SH3KBP1: variants seen among roughly 807,000 people sequenced by gnomAD.
SH3KBP1 encodes SH3 domain-containing kinase-binding protein 1.
Under a neutral mutation model 50.1 loss-of-function variants are expected in SH3KBP1, and 8 were observed. The observed-to-expected ratio is 0.16, with a 90% CI of 0.09 to 0.29. The LOEUF is 0.29. Among genes scored for constraint, SH3KBP1 ranks in the 10% least tolerant of loss-of-function variants. The probability of loss-of-function intolerance (pLI) is 1.00; values close to 1 mark genes in which losing one functional copy is unlikely to be tolerated. For synonymous variants in SH3KBP1, 227 were observed against 218.6 expected (o/e 1.04, Z -0.34); for missense variants, 377 against 535.2 (o/e 0.70, Z 2.92).
chrX:19,791,801 A>T (rs776257082), intron 2 of SH3KBP1, among the ~76,000 whole-genome samples: 4 of 111,668 alleles, frequency 3.6e-5, no homozygotes, highest in Non-Finnish European at 5.6e-5. Flanking sequence ...TGAACAAGGC[A>T]CGAAACCCAA....
At chrX:19,552,498 G>T (rs961324351) in intron 13 of SH3KBP1, among the ~76,000 whole-genome samples, 2 of 110,290 alleles carry the variant, frequency 1.8e-5, no homozygotes, top group Non-Finnish European at 3.8e-5. Flanking sequence ...GGAAGAGGGG[G>T]CTGTTAAAGT....
At chrX:19,540,945 C>T (rs983116743) in intron 16 of SH3KBP1, among the ~76,000 whole-genome samples, 7 of 109,893 alleles carry the variant, frequency 6.4e-5, no homozygotes, top group East Asian at 2.8e-4. Flanking sequence ...GACGGAGTCT[C>T]GCTCTGTCAC....
At chrX:19,878,505 T>TGTGTGTGAGAGAGA (rs1491094714) in intron 1 of SH3KBP1, among the ~76,000 whole-genome samples, 28 of 48,253 alleles carry the variant, frequency 5.8e-4, no homozygotes, top group African/African-American at 1.5e-3. Flanking sequence ...TGTGTGTGTG[T>TGTGTGTGAGAGAGA]GAGAGAGAGA....
At chrX:19,847,158 G>A in intron 1 of SH3KBP1, among the ~76,000 whole-genome samples, 1 of 111,493 alleles carries the variant, frequency 9.0e-6, no homozygotes, top group Non-Finnish European at 1.9e-5. Context: ...AGCAGACAGT[G>A]AGGTAACGTG....
intron 13 of SH3KBP1, among the ~76,000 whole-genome samples, chrX:19,550,784 T>C (rs1385248818): frequency 9.0e-6 from 1 of 110,509 alleles, no homozygotes; most frequent in African/African-American, 3.3e-5. Context: ...AGTCACAGGA[T>C]GGCAAGGCAG....
intron 2 of SH3KBP1, among the ~76,000 whole-genome samples, chrX:19,762,954 G>A (rs753771967): frequency 2.7e-5 from 3 of 112,091 alleles, no homozygotes; most frequent in African/African-American, 6.5e-5. Flanking sequence ...TACCTCATAC[G>A]CTCCTGCCTG....
intron 1 of SH3KBP1, among the ~76,000 whole-genome samples, chrX:19,864,493 A>G (rs778168848): frequency 8.9e-6 from 1 of 112,049 alleles, no homozygotes; most frequent in Non-Finnish European, 1.9e-5. Context: ...GGGGCACAGG[A>G]GAGAAGATCA....
intron 4 of SH3KBP1, among the ~76,000 whole-genome samples, chrX:19,699,374 G>C (rs762099904): frequency 5.5e-4 from 62 of 112,590 alleles, no homozygotes; most frequent in African/African-American, 1.9e-3. Context: ...TAATAAAAGG[G>C]GGCAGATGCC....
intron 13 of SH3KBP1, among the ~76,000 whole-genome samples, chrX:19,561,698 A>C (rs2065683538): frequency 9.0e-6 from 1 of 111,685 alleles, no homozygotes; most frequent in Admixed American, 9.6e-5. Flanking sequence ...CATTAAGCTA[A>C]ATTTGTTCAA....
chrX:19,541,612 T>C (rs1289643269), intron 16 of SH3KBP1, among the ~76,000 whole-genome samples: 1 of 112,539 alleles, frequency 8.9e-6, no homozygotes, highest in Non-Finnish European at 1.9e-5. Context: ...CTGTATTTTA[T>C]GGGGGATTTA....
intron 13 of SH3KBP1, among the ~76,000 whole-genome samples, chrX:19,560,463 A>G (rs1037629131): frequency 9.0e-6 from 1 of 111,548 alleles, no homozygotes; most frequent in Admixed American, 9.5e-5. Flanking sequence ...CTTTCTTTTT[A>G]ATATTTTTTG....
chrX:19,874,848 G>A (rs771789510), intron 1 of SH3KBP1, among the ~76,000 whole-genome samples: 6 of 106,384 alleles, frequency 5.6e-5, no homozygotes, highest in South Asian at 8.8e-4. Flanking sequence ...GACAAAGAGC[G>A]TAGGGGAGAT....
chrX:19,605,895 A>C (rs2067229978), intron 9 of SH3KBP1, among the ~76,000 whole-genome samples: 1 of 112,241 alleles, frequency 8.9e-6, no homozygotes, highest in Admixed American at 9.5e-5. Context: ...ACATTTTCTA[A>C]GTTGCTAGAT....
Position 19,882,316 on chromosome X carries a change from A to T in SH3KBP1, c.4+4991T>A, listed in dbSNP as rs147508740. On this transcript the variant is annotated intron_variant, in intron 1 of 17. Transcript: ENST00000397821. ...TGTGTGAATATTAGGTTACAAGGCA[A>T]AGGGGAGTTAAACTTACTGATCAGC... is the stretch of plus-strand genomic sequence containing the variant. 9.4e-3 allele frequency among the ~76,000 whole-genome samples: 1,041 copies of T among 110,995 alleles called. 17 individuals are homozygous for T. The highest frequency in any genetic ancestry group is 0.033 in the African/African-American group (1,004 of 30,460).
In SH3KBP1 at chrX:19,836,182, G is replaced by C; in HGVS notation, c.105C>G (p.Gly35=). ...IITNIRKEDG[G]WWEGQINGRR... is the part of the protein sequence containing the mutation. ...TGCCGTTGATCTGTCCCTCCCACCA[G>C]CCTCCATCCTCCTTCCTGATGTTGG... Residue 35 remains glycine (G), a synonymous_variant, in exon 2 of 18, where the codon GGC becomes GGG. Transcript: ENST00000397821. 8.3e-7 allele frequency: 1 copy of C among 1,210,594 alleles called. No individual in the cohort carries two copies. Among genetic ancestry groups the C allele is most frequent in the Non-Finnish European group, 1.1e-6 (1 of 894,708 alleles).
chrX:19,826,936 A>G (rs1305187728), intron 2 of SH3KBP1, among the ~76,000 whole-genome samples: 2 of 112,001 alleles, frequency 1.8e-5, no homozygotes, highest in African/African-American at 6.5e-5. Flanking sequence ...ACTTTATGAC[A>G]CTTGTTGAAG....
intron 2 of SH3KBP1, among the ~76,000 whole-genome samples, chrX:19,784,259 T>G (rs1331734346): frequency 8.9e-6 from 1 of 112,070 alleles, no homozygotes; most frequent in East Asian, 2.8e-4. Context: ...CCATTAAGAC[T>G]TCCGATGAGA....
At chrX:19,692,610 C>T (rs1246841938) in intron 5 of SH3KBP1, among the ~76,000 whole-genome samples, 1 of 99,580 alleles carries the variant, frequency 1.0e-5, no homozygotes, top group Non-Finnish European at 2.0e-5. Context: ...TATACATATA[C>T]ACATATATAC....
chrX:19,577,029 C>G (rs2066222916), intron 12 of SH3KBP1, among the ~76,000 whole-genome samples: 1 of 112,442 alleles, frequency 8.9e-6, no homozygotes, highest in South Asian at 3.7e-4. Context: ...GCTTTTTGAG[C>G]CAGTATCACA....
Sources: gnomAD v4.1 joint callset for allele counts (sites outside exome capture counted in the v4.1 genomes callset) on GRCh38, gnomAD v4.1.1 for gene constraint, MANE v1.5 for transcripts, NCBI Gene and HGNC (gene_info 2026-07-23, HGNC 2026-07-21) for gene names.